TLE4: variants seen among roughly 807,000 people sequenced by gnomAD.
The protein encoded by TLE4 is transducin-like enhancer protein 4.
Under a neutral mutation model 92.8 loss-of-function variants are expected in TLE4, and 8 were observed. The ratio of observed to expected loss-of-function variants is 0.09; its 90% CI spans 0.05 to 0.16. The LOEUF is 0.16. Ranked by LOEUF, TLE4 falls within the 10% of genes least tolerant of loss-of-function variation. TLE4 has a pLI of 1.00. For synonymous variants in TLE4, 371 were observed against 374.1 expected (o/e 0.99, Z 0.10); for missense variants, 675 against 997.6 (o/e 0.68, Z 4.36).
At chr9:79,678,345 A>G (rs367569326) in intron 8 of TLE4, among the ~76,000 whole-genome samples, 1 of 152,146 alleles carries the variant, frequency 6.6e-6, no homozygotes, top group East Asian at 1.9e-4. Context: ...GTCCTTGTTT[A>G]TCAGCAGACT....
chr9:79,588,886 A>G (rs928351989), intron 4 of TLE4, among the ~76,000 whole-genome samples: 6 of 152,206 alleles, frequency 3.9e-5, no homozygotes, highest in Non-Finnish European at 7.3e-5. Flanking sequence ...TACTGGTTCA[A>G]TGAGGAAACT....
chr9:79,652,627 A>G lies in TLE4; in HGVS notation c.425A>G (p.His142Arg). Residue 142 changes from histidine to arginine, a missense_variant, in exon 7 of 20, where the codon CAT becomes CGT. This residue lies in a region of TLE4 where 280 missense variants were observed against 287.3 expected (regional missense o/e 0.97). Coordinates refer to ENST00000376552, the MANE Select transcript of TLE4 (RefSeq NM_007005.6). ...QLQAQHLSHG[H>R]GLPVPLTPHP... ...CAGGCCCAGCATTTATCACATGGACATGGTCTCCCCGTACCTCTGACTCCA... is the reference window on the plus strand; with the variant it reads ...CAGGCCCAGCATTTATCACATGGACGTGGTCTCCCCGTACCTCTGACTCCA... The G allele has an allele frequency of 3.1e-6, 5 of 1,614,128 alleles. No homozygotes were observed. Among genetic ancestry groups the G allele is most frequent in the Non-Finnish European group, 4.2e-6 (5 of 1,180,018 alleles).
chr9:79,658,756 TC>T (rs2134377326), intron 8 of TLE4, among the ~76,000 whole-genome samples: 1 of 152,284 alleles, frequency 6.6e-6, no homozygotes, highest in African/African-American at 2.4e-5. Flanking sequence ...TTTGTATTAC[TC>T]CAGACTTTAG....
chr9:79,581,597 C>T (rs987210226), intron 4 of TLE4, among the ~76,000 whole-genome samples: 1 of 152,168 alleles, frequency 6.6e-6, no homozygotes, highest in Non-Finnish European at 1.5e-5. Context: ...AAATTCTTAT[C>T]GTTAGTTCTC....
chr9:79,578,238 G>A (rs754671784), intron 4 of TLE4, among the ~76,000 whole-genome samples: 2 of 152,134 alleles, frequency 1.3e-5, no homozygotes, highest in African/African-American at 2.4e-5. Flanking sequence ...GTTGCCCTGC[G>A]GCATAATTGG....
intron 8 of TLE4, among the ~76,000 whole-genome samples, chr9:79,691,786 C>G (rs1236744674): frequency 7.2e-5 from 11 of 152,252 alleles, no homozygotes; most frequent in Admixed American, 7.2e-4. Context: ...GAAGCGTTTC[C>G]TGACCACCTG....
chr9:79,690,671 GTGCAGTGGCACCATCTC>G (rs1321374535), intron 8 of TLE4, among the ~76,000 whole-genome samples: 1 of 149,632 alleles, frequency 6.7e-6, no homozygotes, highest in Non-Finnish European at 1.5e-5. Flanking sequence ...TCAGGCTGGA[GTGCAGTGGCACCATCTC>G]TGCTCACTGC....
chr9:79,704,762 T>A, intron 8 of TLE4, 21 bp from the exon 9 acceptor site: 3 of 1,600,996 alleles, frequency 1.9e-6, no homozygotes, highest in Non-Finnish European at 2.5e-6. Context: ...TCAACCATGC[T>A]TCCTCTCCTT....
rs1456845877 is a variant in TLE4, at chr9:79,592,246, CTTCTTCT to C, written c.252+16085_252+16091del. Among the ~76,000 whole-genome samples the C allele has an allele frequency of 3.0e-4, 38 of 125,538 alleles. 1 individual carries two copies. The highest frequency in any genetic ancestry group is 4.0e-4 in the Non-Finnish European group (24 of 60,148). 82.4% of individuals were successfully genotyped at this position (125,538 alleles called of 152,430 possible). On this transcript the variant is annotated intron_variant, in intron 4 of 19. Coordinates refer to ENST00000376552, the MANE Select transcript of TLE4 (RefSeq NM_007005.6). ...CTTCTTCTTCTTCTTCCTTCTGCTTCTTCTTCTTTCTTCTTTCTTCTTCTTCTTCTTT... is the reference window on the plus strand; with the variant it reads ...CTTCTTCTTCTTCTTCCTTCTGCTTCTTCTTCTTTCTTCTTCTTCTTCTTT...
intron 2 of TLE4, chr9:79,574,246 C>T (rs928776536): frequency 6.6e-6 from 1 of 152,100 alleles, no homozygotes; most frequent in Admixed American, 6.6e-5. Flanking sequence ...ATGTTTTCAT[C>T]TTATAGACGA....
At chr9:79,626,681 T>C (rs1375751873) in intron 5 of TLE4, among the ~76,000 whole-genome samples, 2 of 152,192 alleles carry the variant, frequency 1.3e-5, no homozygotes, top group East Asian at 1.9e-4. Flanking sequence ...AACTGAGTTG[T>C]GGATGGAGGG....
At chr9:79,698,035 ATAG>A (rs1216687328) in intron 8 of TLE4, among the ~76,000 whole-genome samples, 1 of 152,216 alleles carries the variant, frequency 6.6e-6, no homozygotes, top group East Asian at 1.9e-4. Flanking sequence ...CCAAAAGGGA[ATAG>A]CTGTCTATGG....
At chr9:79,668,010 T>A (rs1199668425) in intron 8 of TLE4, among the ~76,000 whole-genome samples, 1 of 152,256 alleles carries the variant, frequency 6.6e-6, no homozygotes, top group African/African-American at 2.4e-5. Flanking sequence ...ATAATTCACA[T>A]AACAAATGAT....
At chr9:79,634,881 G>C (rs1196877998) in intron 6 of TLE4, among the ~76,000 whole-genome samples, 2 of 152,096 alleles carry the variant, frequency 1.3e-5, no homozygotes, top group South Asian at 2.1e-4. Flanking sequence ...CAGTTTATCT[G>C]TTCACTCCTT....
chr9:79,629,023 C>T (rs1292672746), intron 6 of TLE4, among the ~76,000 whole-genome samples: 1 of 151,970 alleles, frequency 6.6e-6, no homozygotes, highest in Non-Finnish European at 1.5e-5. Context: ...ATAGAACCTA[C>T]ATTTCTCTAC....
At chr9:79,618,330 G>A (rs569711477) in intron 5 of TLE4, among the ~76,000 whole-genome samples, 2 of 152,272 alleles carry the variant, frequency 1.3e-5, no homozygotes, top group South Asian at 2.1e-4. Context: ...ATAAAATAAT[G>A]CATAGTTCTT....
chr9:79,674,332 T>G (rs2062894913), intron 8 of TLE4, among the ~76,000 whole-genome samples: 1 of 152,090 alleles, frequency 6.6e-6, no homozygotes, highest in African/African-American at 2.4e-5. Context: ...TGAGACACAG[T>G]GAGACTAAGT....
chr9:79,706,936 C>T (rs776821834), intron 11 of TLE4, 37 bp downstream of exon 11: 9 of 1,596,166 alleles, frequency 5.6e-6, no homozygotes, highest in Non-Finnish European at 7.7e-6. Flanking sequence ...AGTGTGGCCT[C>T]TGCCAATTTG....
chr9:79,718,750 G>A lies in TLE4; in HGVS notation c.1369G>A (p.Gly457Ser). 6.2e-7 allele frequency: 1 copy of A among 1,614,000 alleles called. No individual in the cohort carries two copies. Among genetic ancestry groups the A allele is most frequent in the Non-Finnish European group, 8.5e-7 (1 of 1,179,962 alleles). Reference sequence around the variant, plus strand: ...ATACTCCTTCCATGTTAGCGCAGATGGTCAGATGCAGCCTGTCCCTTTTCC... The same window carrying A: ...ATACTCCTTCCATGTTAGCGCAGATAGTCAGATGCAGCCTGTCCCTTTTCC... ...PAYSFHVSAD[G>S]QMQPVPFPPD... The change falls in exon 15 of 20, where the codon GGT (glycine) becomes AGT (serine). Residue 457 changes from glycine (G) to serine (S), a missense_variant. Around this residue, in one of 5 missense-constraint regions of TLE4, gnomAD observed 119 missense variants for 175.9 expected, o/e 0.68. Coordinates refer to ENST00000376552, the MANE Select transcript of TLE4 (RefSeq NM_007005.6).
Sources: gnomAD v4.1 joint callset for allele counts (sites outside exome capture counted in the v4.1 genomes callset) on GRCh38, gnomAD v4.1.1 for gene constraint, gnomAD v4.1.1 regional missense constraint, MANE v1.5 for transcripts, NCBI Gene and HGNC (gene_info 2026-07-23, HGNC 2026-07-21) for gene names.